Variants in CA10 observed in about 807,000 individuals in gnomAD.
The protein encoded by CA10 is carbonic anhydrase-related protein 10.
Under a neutral mutation model 44.2 loss-of-function variants are expected in CA10, and 14 were observed. The observed-to-expected ratio is 0.32, with a 90% CI of 0.21 to 0.50. The LOEUF is 0.50. Among genes scored for constraint, CA10 ranks in the 20% least tolerant of loss-of-function variants. CA10 has a pLI of 0.99. For synonymous variants in CA10, 159 were observed against 141.6 expected (o/e 1.12, Z -0.87); for missense variants, 350 against 409.7 (o/e 0.85, Z 1.26).
At chr17:51,871,801 T>C (rs992939718) in intron 3 of CA10, among the ~76,000 whole-genome samples, 1 of 152,164 alleles carries the variant, frequency 6.6e-6, no homozygotes, top group Admixed American at 6.5e-5. Flanking sequence ...ACAGCCCTTT[T>C]CTATGTACCA....
Position 51,734,526 on chromosome 17 carries a change from G to A in CA10, c.465+13107C>T, listed in dbSNP as rs573344589. 4.3e-4 allele frequency among the ~76,000 whole-genome samples: 66 copies of A among 152,236 alleles called. No individual in the cohort carries two copies. The South Asian group carries it at 0.01, about 23-fold the overall frequency. ...TAACTGGTGTCAGACTGGACTGTTC[G>A]GGCAAGGCAGGGCAGGTGATCATCC... On this transcript the variant is annotated intron_variant, in intron 4 of 8. Transcript: ENST00000451037.
At chr17:52,014,080 T>A (rs1237052606) in intron 2 of CA10, among the ~76,000 whole-genome samples, 2 of 151,890 alleles carry the variant, frequency 1.3e-5, no homozygotes, top group African/African-American at 4.8e-5. Flanking sequence ...GGATGAAAAT[T>A]GGAATTAAAC....
intron 1 of CA10, among the ~76,000 whole-genome samples, chr17:52,133,803 A>G (rs1395254149): frequency 1.3e-5 from 2 of 152,216 alleles, no homozygotes; most frequent in Non-Finnish European, 2.9e-5. Flanking sequence ...ATTTATCCTT[A>G]TATCCCCAGG....
At chr17:52,026,538 G>A (rs1409855727) in intron 2 of CA10, among the ~76,000 whole-genome samples, 1 of 152,074 alleles carries the variant, frequency 6.6e-6, no homozygotes, top group Non-Finnish European at 1.5e-5. Context: ...CCCAGGACTG[G>A]GTAATTTATA....
At chr17:52,153,010 A>T (rs1394272040) in intron 1 of CA10, among the ~76,000 whole-genome samples, 1 of 152,128 alleles carries the variant, frequency 6.6e-6, no homozygotes, top group African/African-American at 2.4e-5. Flanking sequence ...TGATACCTAG[A>T]TCTCTTTTTG....
intron 2 of CA10, among the ~76,000 whole-genome samples, chr17:51,987,484 T>A (rs1237398837): frequency 6.6e-6 from 1 of 151,790 alleles, no homozygotes; most frequent in Non-Finnish European, 1.5e-5. Context: ...AAGAACTTAC[T>A]CATGTAAGCA....
At chr17:52,009,113 C>T (rs549711332) in intron 2 of CA10, among the ~76,000 whole-genome samples, 6 of 151,972 alleles carry the variant, frequency 3.9e-5, no homozygotes, top group African/African-American at 9.7e-5. Context: ...CTAAATCTCA[C>T]TCCTTCAAGA....
chr17:51,903,154 T>C (rs1330211854), intron 3 of CA10, among the ~76,000 whole-genome samples: 1 of 152,100 alleles, frequency 6.6e-6, no homozygotes. Context: ...GTGATAAATA[T>C]GGCAAAGGAT....
At chr17:51,804,611 G>T (rs953435633) in intron 3 of CA10, among the ~76,000 whole-genome samples, 14 of 152,138 alleles carry the variant, frequency 9.2e-5, no homozygotes, top group African/African-American at 3.4e-4. Flanking sequence ...CTCTGCCTTA[G>T]TTTCCATTTT....
At position 52,050,995 on chromosome 17, in the gene CA10, A is replaced by C. The variant is rs1482309716; in HGVS notation, c.136+21324T>G. On this transcript the variant is annotated intron_variant, in intron 2 of 8. Transcript: ENST00000451037. ...CAAGAAAGAAAAGAAAAAAAAGGGA[A>C]GGAAGGAAGGAAGGAAGGAACGAAG... 2.0e-5 allele frequency among the ~76,000 whole-genome samples: 3 copies of C among 150,898 alleles called. No homozygotes were observed. The East Asian group carries it at 5.9e-4, about 30-fold the overall frequency.
At chr17:52,015,330 T>C (rs1377668988) in intron 2 of CA10, among the ~76,000 whole-genome samples, 3 of 152,144 alleles carry the variant, frequency 2.0e-5, no homozygotes, top group Admixed American at 6.6e-5. Context: ...TGCATGGATG[T>C]TGTTAGTTTC....
rs10514986 is a variant in CA10 at position 51,635,844 on chromosome 17, G to C, written c.789+11C>G. 2 of 1,551,726 alleles carry C rather than the reference G, an allele frequency of 1.3e-6. No homozygotes were observed. Among genetic ancestry groups the C allele is most frequent in the African/African-American group, 2.7e-5 (2 of 72,946 alleles). Reference sequence around the variant, plus strand: ...CTTCTCCATTAGCTAAATGACCAGAGAGAAACTCACCTGCATCCTGGTTAT... The same window carrying C: ...CTTCTCCATTAGCTAAATGACCAGACAGAAACTCACCTGCATCCTGGTTAT... On this transcript the variant is annotated intron_variant, in intron 7 of 8. Transcript: ENST00000451037.
At chr17:51,894,969 T>G (rs1656141310) in intron 3 of CA10, among the ~76,000 whole-genome samples, 1 of 152,038 alleles carries the variant, frequency 6.6e-6, no homozygotes, top group South Asian at 2.1e-4. Flanking sequence ...ATGGCAAAAT[T>G]GTAAAAAAAT....
At chr17:52,125,276 T>G (rs1328304852) in intron 1 of CA10, among the ~76,000 whole-genome samples, 1 of 152,202 alleles carries the variant, frequency 6.6e-6, no homozygotes, top group Non-Finnish European at 1.5e-5. Context: ...CCAGTGCTAC[T>G]GTAGTGTGAA....
At chr17:51,955,046 T>A (rs1416870589) in intron 2 of CA10, among the ~76,000 whole-genome samples, 1 of 152,166 alleles carries the variant, frequency 6.6e-6, no homozygotes, top group African/African-American at 2.4e-5. Flanking sequence ...ATCTCATTTT[T>A]AAAAATAGCC....
At position 51,653,674 on chromosome 17, in the gene CA10, T is replaced by C. The variant is rs1300256073; in HGVS notation, c.528A>G (p.Pro176=). ...ATATAGAAACTACCACCAATCCATT[T>C]GGACTCTTTGCAGCTTCTGTGACAT... ...YTNVTEAAKS[P]NGLVVVSIFI... The change falls in exon 5 of 9, where the codon CCA becomes CCG. Residue 176 remains proline (P), a synonymous_variant. Coordinates refer to ENST00000451037, the MANE Select transcript of CA10 (RefSeq NM_020178.5). 1.1e-5 allele frequency: 17 copies of C among 1,608,456 alleles called. No homozygotes were observed. In the East Asian group the frequency reaches 3.8e-4, roughly 36 times the overall value.
In CA10 at chr17:51,720,474, C is replaced by T. The variant is rs117490293; in HGVS notation, c.465+27159G>A. On this transcript the variant is annotated intron_variant, in intron 4 of 8. Coordinates refer to ENST00000451037, the MANE Select transcript of CA10 (RefSeq NM_020178.5). Reference sequence around the variant, plus strand: ...AGGGTTGAAACTTCAGTCCCATCCACCAGTCTGAAAACTGGAGATATAAGC... The same window carrying T: ...AGGGTTGAAACTTCAGTCCCATCCATCAGTCTGAAAACTGGAGATATAAGC... 1.4e-3 allele frequency among the ~76,000 whole-genome samples: 209 copies of T among 152,238 alleles called. 4 individuals carry two copies. The East Asian group carries it at 0.038, about 28-fold the overall frequency.
intron 4 of CA10, 111 bp from the exon 5 acceptor site, chr17:51,653,847 T>A: frequency 1.5e-6 from 1 of 676,938 alleles, no homozygotes; most frequent in East Asian, 2.7e-5. Flanking sequence ...GAGGAACAAT[T>A]TGGAAGACAA....
chr17:51,865,403 A>G (rs1242774499), intron 3 of CA10, among the ~76,000 whole-genome samples: 2 of 152,176 alleles, frequency 1.3e-5, no homozygotes, highest in Non-Finnish European at 2.9e-5. Flanking sequence ...GAACGAATCT[A>G]CTAAACAGGG....
Sources: gnomAD v4.1 joint callset for allele counts (sites outside exome capture counted in the v4.1 genomes callset) on GRCh38, gnomAD v4.1.1 for gene constraint, MANE v1.5 for transcripts, NCBI Gene and HGNC (gene_info 2026-07-23, HGNC 2026-07-21) for gene names.